Variants in FMN2 observed in about 807,000 individuals in gnomAD.
FMN2 encodes formin-2.
Under a neutral mutation model 142.3 loss-of-function variants are expected in FMN2, and 51 were observed. The observed-to-expected ratio is 0.36, with a 90% confidence interval of 0.29 to 0.45. The LOEUF (loss-of-function observed/expected upper bound fraction) is 0.45. Among genes scored for constraint, FMN2 ranks in the 20% least tolerant of loss-of-function variants. The pLI is 1.00. For synonymous variants in FMN2, 882 were observed against 869.8 expected, an observed-to-expected ratio of 1.01 and a Z score of -0.25; for missense variants, 1,936 against 2,122.8, an observed-to-expected ratio of 0.91 and a Z score of 1.73.
In FMN2 at chr1:240,468,319, T is replaced by G. The variant is rs139697815; in HGVS notation, c.5061-4053T>G. On this transcript the variant is annotated intron_variant, in intron 16 of 17. Transcript: ENST00000319653. ...ACATATGCACACACACATATATACATATGCACACACACATATATACGTATA... is the reference window on the plus strand; with the variant it reads ...ACATATGCACACACACATATATACAGATGCACACACACATATATACGTATA... Among the ~76,000 whole-genome samples, 17 of 152,194 alleles carry G rather than the reference T, an allele frequency of 1.1e-4. No homozygotes were observed. In the East Asian group the frequency reaches 3.3e-3, roughly 29 times the overall value.
At position 240,228,312 on chromosome 1, in the gene FMN2, AAAAAAAAAAAAAAAAAAAAAG is replaced by A. The variant is rs1375877705; in HGVS notation, c.4065+17083_4065+17103del. Among the ~76,000 whole-genome samples, 20 of 69,362 alleles carry A rather than the reference AAAAAAAAAAAAAAAAAAAAAG, an allele frequency of 2.9e-4. 1 individual carries two copies. Among genetic ancestry groups the A allele is most frequent in the African/African-American group, 1.9e-3 (19 of 9,796 alleles). 45.5% of individuals were successfully genotyped at this position (69,362 alleles called of 152,430 possible). ...GAGTGAAACTCTGTCTCAAAAAAAAAAAAAAAAAAAAAAAAAAAAAGAAAAAGAAAAAGAAAAAGAAAGAAA... is the reference window on the plus strand; with the variant it reads ...GAGTGAAACTCTGTCTCAAAAAAAAAAAAAAGAAAAAGAAAAAGAAAGAAA... On this transcript the variant is annotated intron_variant, in intron 6 of 17. Transcript: ENST00000319653.
chr1:240,195,638 A>G (rs2103361481), intron 4 of FMN2, among the ~76,000 whole-genome samples: 1 of 152,356 alleles, frequency 6.6e-6, no homozygotes, highest in East Asian at 1.9e-4. Flanking sequence ...TAGAAGCAAT[A>G]TTCAGTATTC....
intron 16 of FMN2, among the ~76,000 whole-genome samples, chr1:240,456,091 C>T (rs1676235584): frequency 6.6e-6 from 1 of 151,992 alleles, no homozygotes; most frequent in Non-Finnish European, 1.5e-5. Context: ...CATTTTCTAC[C>T]TGATTATGAC....
chr1:240,361,770 C>T (rs1261771072), intron 14 of FMN2, among the ~76,000 whole-genome samples: 1 of 152,166 alleles, frequency 6.6e-6, no homozygotes, highest in Non-Finnish European at 1.5e-5. Flanking sequence ...GAGGATTGGA[C>T]ATCATAAGCA....
intron 7 of FMN2, among the ~76,000 whole-genome samples, chr1:240,270,485 C>G (rs1396345650): frequency 2.0e-5 from 3 of 152,024 alleles, no homozygotes. Context: ...TCGGATAAAC[C>G]TCATTGGCTT....
intron 16 of FMN2, among the ~76,000 whole-genome samples, chr1:240,467,911 A>G (rs965163634): frequency 1.3e-5 from 2 of 152,232 alleles, no homozygotes; most frequent in African/African-American, 4.8e-5. Flanking sequence ...AGATAATGCT[A>G]CATTTCCTGT....
At chr1:240,383,396 G>A (rs1673295596) in intron 14 of FMN2, among the ~76,000 whole-genome samples, 2 of 151,978 alleles carry the variant, frequency 1.3e-5, no homozygotes, top group South Asian at 2.1e-4. Flanking sequence ...GAATCCACAA[G>A]GAACTCAAAC....
intron 7 of FMN2, among the ~76,000 whole-genome samples, chr1:240,291,034 G>A (rs774352000): frequency 3.9e-5 from 6 of 151,964 alleles, no homozygotes; most frequent in Non-Finnish European, 7.4e-5. Flanking sequence ...GGCTGGTCTC[G>A]AATTCTGGGC....
At chr1:240,178,159 A>G in intron 3 of FMN2, 91 bp downstream of exon 3, 1 of 1,316,824 alleles carries the variant, frequency 7.6e-7, no homozygotes, top group African/African-American at 1.5e-5. Flanking sequence ...GTAATCTTTT[A>G]TTTTTAATTG....
intron 6 of FMN2, 40 bp from the exon 7 acceptor site, chr1:240,257,905 C>A (rs757022680): frequency 2.4e-5 from 38 of 1,559,334 alleles, no homozygotes; most frequent in Non-Finnish European, 3.2e-5. Flanking sequence ...TATTGGAGTT[C>A]AAATTAACAT....
chr1:240,396,464 A>C (rs1203434119), intron 15 of FMN2, among the ~76,000 whole-genome samples: 2 of 151,504 alleles, frequency 1.3e-5, no homozygotes, highest in African/African-American at 2.4e-5. Flanking sequence ...TTCTCTTTAT[A>C]AATTTTAACT....
intron 13 of FMN2, among the ~76,000 whole-genome samples, chr1:240,337,203 CT>C (rs752506621): frequency 0.11 from 10,322 of 90,482 alleles, 443 homozygotes; most frequent in South Asian, 0.16. Flanking sequence ...TATTCCTTTT[CT>C]TTTTTTTTTT....
At chr1:240,206,757 C>T in intron 4 of FMN2, 42 bp from the exon 5 acceptor site, 2 of 1,555,032 alleles carry the variant, frequency 1.3e-6, no homozygotes, top group South Asian at 2.4e-5. Context: ...TGCATTTTTC[C>T]TTATTTCATA....
At chr1:240,327,118 A>G (rs1414561004) in intron 8 of FMN2, among the ~76,000 whole-genome samples, 3 of 152,216 alleles carry the variant, frequency 2.0e-5, no homozygotes, top group African/African-American at 4.8e-5. Context: ...AGATAAAAGT[A>G]AGATTACTGT....
intron 15 of FMN2, among the ~76,000 whole-genome samples, chr1:240,407,861 A>G (rs955304692): frequency 1.6e-4 from 25 of 152,168 alleles, no homozygotes; most frequent in African/African-American, 5.1e-4. Context: ...TGCAATGAAA[A>G]TATGTTTTAA....
chr1:240,376,319 T>C (rs1673040953), intron 14 of FMN2, among the ~76,000 whole-genome samples: 1 of 152,154 alleles, frequency 6.6e-6, no homozygotes, highest in African/African-American at 2.4e-5. Flanking sequence ...AACATTTACA[T>C]TTAATGTAGT....
intron 6 of FMN2, among the ~76,000 whole-genome samples, chr1:240,246,044 G>A (rs1018762465): frequency 6.6e-6 from 1 of 152,176 alleles, no homozygotes; most frequent in South Asian, 2.1e-4. Context: ...GCCGGGCATG[G>A]TGGCGGATGC....
chr1:240,408,297 A>G (rs980782196), intron 15 of FMN2, among the ~76,000 whole-genome samples: 3 of 152,202 alleles, frequency 2.0e-5, no homozygotes, highest in African/African-American at 4.8e-5. Flanking sequence ...AACTAGGCCA[A>G]ACATTCTTGA....
intron 2 of FMN2, 97 bp from the exon 3 acceptor site, chr1:240,177,824 T>C (rs1664982150): frequency 3.7e-6 from 4 of 1,072,702 alleles, no homozygotes; most frequent in African/African-American, 1.6e-5. Context: ...CATATATAAG[T>C]AATTTACATA....
Sources: gnomAD v4.1 joint callset for allele counts (sites outside exome capture counted in the v4.1 genomes callset) on GRCh38, gnomAD v4.1.1 for gene constraint, MANE v1.5 for transcripts, NCBI Gene and HGNC (gene_info 2026-07-23, HGNC 2026-07-21) for gene names.